Variants in MARCHF10 observed in about 807,000 individuals in gnomAD.
The protein encoded by MARCHF10 is membrane associated ring-CH-type finger 10.
MARCHF10 carries 64 observed loss-of-function variants against 76.2 expected under a neutral mutation model. The ratio of observed to expected loss-of-function variants is 0.84; its 90% CI spans 0.69 to 1.03. The LOEUF is 1.03. MARCHF10 is among the 50% of genes least tolerant of loss of function. MARCHF10 has a pLI of 0.00. For missense variants in MARCHF10, 875 were observed against 958.0 expected (o/e 0.91, Z 1.14); for synonymous variants, 340 against 357.5 (o/e 0.95, Z 0.55).
intron 6 of MARCHF10, among the ~76,000 whole-genome samples, chr17:62,725,580 G>A (rs2090719359): frequency 6.6e-6 from 1 of 152,210 alleles, no homozygotes; most frequent in Non-Finnish European, 1.5e-5. Flanking sequence ...ACAAATTCTT[G>A]TAACAGGCTT....
At chr17:62,749,504 C>T (rs922361569) in intron 4 of MARCHF10, among the ~76,000 whole-genome samples, 2 of 152,162 alleles carry the variant, frequency 1.3e-5, no homozygotes, top group African/African-American at 2.4e-5. Context: ...ACAGCTTAAT[C>T]GCAGGAGCCA....
At chr17:62,719,954 C>T (rs1320645933) in intron 8 of MARCHF10, among the ~76,000 whole-genome samples, 1 of 152,150 alleles carries the variant, frequency 6.6e-6, no homozygotes, top group African/African-American at 2.4e-5. Flanking sequence ...CAGCTGTATC[C>T]AGTCTACTAA....
intron 6 of MARCHF10, among the ~76,000 whole-genome samples, chr17:62,729,566 G>A (rs2090923741): frequency 6.8e-6 from 1 of 147,402 alleles, no homozygotes; most frequent in African/African-American, 2.5e-5. Flanking sequence ...AAATATAAAT[G>A]TATAAATATA....
At chr17:62,740,800 A>T (rs1198424020) in intron 5 of MARCHF10, among the ~76,000 whole-genome samples, 1 of 151,728 alleles carries the variant, frequency 6.6e-6, no homozygotes, top group Admixed American at 6.6e-5. Flanking sequence ...CTCATTTTAA[A>T]ATTTTTTTCT....
At chr17:62,806,196 T>C (rs557965675) in intron 1 of MARCHF10, among the ~76,000 whole-genome samples, 9 of 152,294 alleles carry the variant, frequency 5.9e-5, no homozygotes, top group East Asian at 3.9e-4. Flanking sequence ...CTCAGTCAGT[T>C]TGAAAAACTG....
intron 9 of MARCHF10, among the ~76,000 whole-genome samples, chr17:62,709,409 A>T (rs1405768787): frequency 6.6e-6 from 1 of 152,142 alleles, no homozygotes; most frequent in African/African-American, 2.4e-5. Context: ...CGGGAGGCAG[A>T]GGTTGCAGTG....
In MARCHF10 at chr17:62,725,032, G is replaced by C; in HGVS notation, c.2010C>G (p.Ser670Arg). The C allele has an allele frequency of 6.2e-7, 1 of 1,609,756 alleles. No homozygotes were observed. Among genetic ancestry groups the C allele is most frequent in the Non-Finnish European group, 8.5e-7 (1 of 1,178,402 alleles). Residue 670 changes from serine to arginine, a missense_variant, in exon 7 of 11, where the codon AGC (serine) becomes AGG (arginine). By Grantham distance (110) the Ser-to-Arg change is moderately radical. Transcript: ENST00000311269. ...RICQIAGGSP[S>R]NPLLEPCGCV... Reference sequence around the variant, plus strand: ...AGCCGCAAGGCTCCAGGAGGGGGTTGCTTGGGGAACCCCCGGCTATCTGAC... The same window carrying C: ...AGCCGCAAGGCTCCAGGAGGGGGTTCCTTGGGGAACCCCCGGCTATCTGAC...
At chr17:62,759,282 C>T (rs761804454) in intron 4 of MARCHF10, among the ~76,000 whole-genome samples, 1 of 152,198 alleles carries the variant, frequency 6.6e-6, no homozygotes, top group African/African-American at 2.4e-5. Context: ...CAGCTCTAGG[C>T]GGAAGCCACA....
intron 2 of MARCHF10, chr17:62,795,195 T>A: frequency 4.5e-6 from 1 of 223,558 alleles, no homozygotes; most frequent in Non-Finnish European, 7.5e-6. Flanking sequence ...ATTTGCACTT[T>A]AAAGAATCAA....
intron 4 of MARCHF10, among the ~76,000 whole-genome samples, chr17:62,759,459 C>A: frequency 6.6e-6 from 1 of 152,100 alleles, no homozygotes; most frequent in East Asian, 1.9e-4. Context: ...TAACCAATAC[C>A]ATCAATTTGA....
chr17:62,731,478 T>C (rs2091020836), intron 6 of MARCHF10, among the ~76,000 whole-genome samples: 1 of 152,128 alleles, frequency 6.6e-6, no homozygotes, highest in Non-Finnish European at 1.5e-5. Context: ...GGCCAGGTGC[T>C]GGTCTCAAAC....
At chr17:62,769,147 C>A (rs2092394677) in intron 3 of MARCHF10, among the ~76,000 whole-genome samples, 1 of 152,146 alleles carries the variant, frequency 6.6e-6, no homozygotes, top group African/African-American at 2.4e-5. Context: ...ATCCTATCAG[C>A]AGGTGCCTTG....
chr17:62,753,878 C>T (rs1269861924), intron 4 of MARCHF10, among the ~76,000 whole-genome samples: 1 of 152,088 alleles, frequency 6.6e-6, no homozygotes, highest in Non-Finnish European at 1.5e-5. Flanking sequence ...CATTACCCGG[C>T]AGGTAAATAC....
chr17:62,802,705 C>T (rs2093096167), intron 1 of MARCHF10, among the ~76,000 whole-genome samples: 1 of 152,092 alleles, frequency 6.6e-6, no homozygotes, highest in Admixed American at 6.5e-5. Flanking sequence ...AGTGAGCTAG[C>T]TGAGAAGTGG....
intron 3 of MARCHF10, 66 bp downstream of exon 3, chr17:62,788,414 C>A: frequency 1.3e-6 from 2 of 1,596,724 alleles, no homozygotes; most frequent in Non-Finnish European, 1.7e-6. Flanking sequence ...ATCACACACA[C>A]ACACACACCA....
intron 10 of MARCHF10, 83 bp from the exon 11 acceptor site, chr17:62,701,841 T>C: frequency 6.4e-7 from 1 of 1,574,454 alleles, no homozygotes; most frequent in African/African-American, 1.3e-5. Flanking sequence ...TGCTGCTTCA[T>C]CTTCTCCCAC....
intron 3 of MARCHF10, among the ~76,000 whole-genome samples, chr17:62,776,387 C>CA (rs754829840): frequency 3.9e-5 from 6 of 152,158 alleles, no homozygotes; most frequent in Non-Finnish European, 8.8e-5. Flanking sequence ...CGTGCAAGGA[C>CA]GAGGCTGTCT....
chr17:62,791,794 T>C (rs2092847176), intron 2 of MARCHF10, among the ~76,000 whole-genome samples: 1 of 150,804 alleles, frequency 6.6e-6, no homozygotes. Flanking sequence ...TTTGTAATTG[T>C]AAATGATTTT....
At chr17:62,806,956 T>C (rs760890231) in intron 1 of MARCHF10, among the ~76,000 whole-genome samples, 16 of 152,240 alleles carry the variant, frequency 1.1e-4, no homozygotes, top group Non-Finnish European at 2.1e-4. Flanking sequence ...AAAGTTAATA[T>C]GCTGTTAAGC....
Sources: gnomAD v4.1 joint callset for allele counts (sites outside exome capture counted in the v4.1 genomes callset) on GRCh38, gnomAD v4.1.1 for gene constraint, MANE v1.5 for transcripts, NCBI Gene and HGNC (gene_info 2026-07-23, HGNC 2026-07-21) for gene names.